Variants in MPDZ observed in about 807,000 individuals in gnomAD.
The protein encoded by MPDZ is multiple PDZ domain crumbs cell polarity complex component, also known as multiple PDZ domain protein.
A neutral mutation model predicts 239.1 loss-of-function variants in MPDZ; 234 were observed. The observed-to-expected ratio is 0.98, with a 90% CI of 0.88 to 1.09. The LOEUF (loss-of-function observed/expected upper bound fraction) is 1.09. Among genes scored for constraint, MPDZ ranks in the 50% least tolerant of loss-of-function variants. The pLI is 0.00. For missense variants in MPDZ, 3,175 were observed against 2,510.0 expected (o/e 1.26, Z -5.66); for synonymous variants, 1,048 against 881.3 (o/e 1.19, Z -3.35).
intron 10 of MPDZ, among the ~76,000 whole-genome samples, chr9:13,206,307 G>A (rs1956986257): frequency 6.6e-6 from 1 of 151,990 alleles, no homozygotes; most frequent in Non-Finnish European, 1.5e-5. Context: ...AGAGGCTTCT[G>A]TTTATTTTAA....
At chr9:13,225,961 T>A (rs1032867784) in intron 3 of MPDZ, among the ~76,000 whole-genome samples, 2 of 152,072 alleles carry the variant, frequency 1.3e-5, no homozygotes, top group African/African-American at 4.8e-5. Context: ...ATCATAACCA[T>A]GAGTTTAACA....
intron 3 of MPDZ, among the ~76,000 whole-genome samples, chr9:13,240,580 T>TAAAAAAAAAAAAAAAAA (rs71331533): frequency 8.4e-4 from 37 of 43,998 alleles, no homozygotes; most frequent in East Asian, 2.6e-3. Context: ...ATAATAAAAG[T>TAAAAAAAAAAAAAAAAA]AAAAAAAAAA....
chr9:13,184,699 C>A (rs1032674709), intron 18 of MPDZ, among the ~76,000 whole-genome samples: 1 of 151,860 alleles, frequency 6.6e-6, no homozygotes, highest in Admixed American at 6.6e-5. Context: ...GATTACAATA[C>A]ATATTTAAGT....
intron 45 of MPDZ, among the ~76,000 whole-genome samples, chr9:13,109,451 A>G (rs1345284047): frequency 6.6e-6 from 1 of 152,216 alleles, no homozygotes; most frequent in Non-Finnish European, 1.5e-5. Context: ...AGAAAAATCA[A>G]TTATAAGCAA....
chr9:13,217,169 T>C lies in MPDZ; in HGVS notation c.1201+11A>G. ...GTCAAGTTTAAAAGAATACTTAATGTTTAAAATTACCCAATTTTTTATCTC... is the reference window on the plus strand; with the variant it reads ...GTCAAGTTTAAAAGAATACTTAATGCTTAAAATTACCCAATTTTTTATCTC... On this transcript the variant is annotated intron_variant, in intron 9 of 46. Coordinates refer to ENST00000319217, the MANE Select transcript of MPDZ (RefSeq NM_001378778.1). 6.6e-7 allele frequency: 1 copy of C among 1,510,038 alleles called. No individual in the cohort carries two copies. The highest frequency in any genetic ancestry group is 9.1e-7 in the Non-Finnish European group (1 of 1,102,892). 93.5% of individuals were successfully genotyped at this position (1,510,038 alleles called of 1,614,324 possible).
intron 39 of MPDZ, among the ~76,000 whole-genome samples, chr9:13,119,230 C>T (rs1428541232): frequency 6.6e-5 from 10 of 152,030 alleles, no homozygotes; most frequent in South Asian, 2.1e-4. Flanking sequence ...ACTATAGGCA[C>T]GCACAACCAT....
intron 3 of MPDZ, among the ~76,000 whole-genome samples, chr9:13,246,375 G>C (rs1420858251): frequency 3.9e-5 from 6 of 152,206 alleles, no homozygotes; most frequent in Non-Finnish European, 7.3e-5. Context: ...CCAGGAGATA[G>C]AGGCTGCAGT....
chr9:13,171,380 T>G (rs1951756507), intron 21 of MPDZ, among the ~76,000 whole-genome samples: 1 of 152,164 alleles, frequency 6.6e-6, no homozygotes, highest in Non-Finnish European at 1.5e-5. Context: ...AAGTACTGAA[T>G]GTATTGTACG....
intron 1 of MPDZ, among the ~76,000 whole-genome samples, chr9:13,258,191 G>C (rs1969879168): frequency 6.6e-6 from 1 of 152,172 alleles, no homozygotes; most frequent in African/African-American, 2.4e-5. Context: ...GTAACATGTA[G>C]GCACAGCTTT....
In MPDZ at chr9:13,224,519, G is replaced by A. The variant is rs1959888241; in HGVS notation, c.248C>T (p.Ala83Val). 6.2e-7 allele frequency: 1 copy of A among 1,612,788 alleles called. No individual in the cohort carries two copies. Among genetic ancestry groups the A allele is most frequent in the Non-Finnish European group, 8.5e-7 (1 of 1,179,226 alleles). Residue 83 changes from alanine (A) to valine (V), a missense_variant, in exon 4 of 47, where the codon GCT (alanine) becomes GTT (valine). By Grantham distance (64) the Ala-to-Val change is moderately conservative. Coordinates refer to ENST00000319217, the MANE Select transcript of MPDZ (RefSeq NM_001378778.1). ...EYAHVPHLSP[A>V]VIPTLQNESF... ...TTCATTTTGCAGAGTAGGAATCACA[G>A]CTGGGCTGAGATGAGGAACGTGGGC...
chr9:13,247,334 G>A (rs1966794951), intron 3 of MPDZ, among the ~76,000 whole-genome samples: 2 of 152,190 alleles, frequency 1.3e-5, no homozygotes, highest in Non-Finnish European at 2.9e-5. Context: ...TGGAAACTAA[G>A]TCTACAGCCA....
chr9:13,250,728 C>G (rs958900304), intron 1 of MPDZ, among the ~76,000 whole-genome samples: 2 of 150,022 alleles, frequency 1.3e-5, no homozygotes, highest in African/African-American at 2.5e-5. Context: ...GCTTACTTAA[C>G]TCCACATAAG....
chr9:13,187,895 C>T (rs147696607), intron 17 of MPDZ, among the ~76,000 whole-genome samples: 4 of 152,216 alleles, frequency 2.6e-5, no homozygotes, highest in South Asian at 2.1e-4. Context: ...TTATGTAGCA[C>T]GGATTCATAA....
chr9:13,136,326 T>TTTTTTTTTTTTG (rs1946767554), intron 30 of MPDZ, 144 bp from the exon 31 acceptor site: 1 of 141,632 alleles, frequency 7.1e-6, no homozygotes, highest in African/African-American at 5.1e-5. Context: ...AAACGTTTTC[T>TTTTTTTTTTTTG]TTTTTTTTTT....
intron 21 of MPDZ, among the ~76,000 whole-genome samples, chr9:13,171,547 GT>G (rs1004132955): frequency 6.6e-6 from 1 of 152,010 alleles, no homozygotes; most frequent in Non-Finnish European, 1.5e-5. Flanking sequence ...GAAGAACCTT[GT>G]TTTTTTACCT....
At chr9:13,123,973 G>C (rs1029834043) in intron 35 of MPDZ, among the ~76,000 whole-genome samples, 1 of 152,140 alleles carries the variant, frequency 6.6e-6, no homozygotes, top group Non-Finnish European at 1.5e-5. Context: ...TATGAGAAAA[G>C]GGGAATATAA....
intron 8 of MPDZ, 32 bp downstream of exon 8, chr9:13,219,527 G>C (rs760466449): frequency 6.3e-7 from 1 of 1,583,892 alleles, no homozygotes; most frequent in Admixed American, 1.7e-5. Context: ...TTATTTCTCT[G>C]ACTTTCACAT....
intron 1 of MPDZ, 158 bp downstream of exon 1, chr9:13,279,242 G>GCCCCCCCTCCCC (rs1975018861): frequency 1.2e-5 from 1 of 86,024 alleles, no homozygotes; most frequent in Non-Finnish European, 2.4e-5. Flanking sequence ...ACGGCCCGCC[G>GCCCCCCCTCCCC]CCACCCCTAC....
At position 13,168,419 on chromosome 9, in the gene MPDZ, A is replaced by G; in HGVS notation, c.3201T>C (p.Asn1067=). Reference sequence around the variant, plus strand: ...TTCTCAACATAGCTCGTGCCTGGGCATTGGTTACACTGATGGTAGACTCTT... The same window carrying G: ...TTCTCAACATAGCTCGTGCCTGGGCGTTGGTTACACTGATGGTAGACTCTT... ...INEESTISVT[N]AQARAMLRRH... The change falls in exon 22 of 47, where the codon AAT becomes AAC. Residue 1067 remains asparagine (N), a synonymous_variant. Transcript: ENST00000319217. 6.2e-7 allele frequency: 1 copy of G among 1,613,524 alleles called. No individual in the cohort carries two copies. The highest frequency in any genetic ancestry group is 8.5e-7 in the Non-Finnish European group (1 of 1,179,568).
Sources: allele counts gnomAD v4.1 joint callset (sites outside exome capture counted in the v4.1 genomes callset), GRCh38; gene constraint gnomAD v4.1.1; transcripts MANE v1.5; gene names NCBI Gene and HGNC (gene_info 2026-07-23, HGNC 2026-07-21).